Variants in PTK2 observed in about 807,000 individuals in gnomAD.
PTK2 encodes protein tyrosine kinase 2.
Under a neutral mutation model 150.1 loss-of-function variants are expected in PTK2, and 45 were observed. That is an observed-to-expected ratio of 0.30 (90% CI 0.24 to 0.38). The LOEUF (loss-of-function observed/expected upper bound fraction) is 0.38, where lower values mean the gene tolerates loss of function less well. PTK2 is among the 10% of genes least tolerant of loss of function. The probability of loss-of-function intolerance (pLI) is 1.00; values close to 1 mark genes in which losing one functional copy is unlikely to be tolerated. For missense variants in PTK2, 919 were observed against 1,307.3 expected, an observed-to-expected ratio of 0.70 and a Z score of 4.58; for synonymous variants, 432 against 449.2, an observed-to-expected ratio of 0.96 and a Z score of 0.48.
At chr8:140,793,501 A>T in intron 12 of PTK2, 117 bp from the exon 13 acceptor site, 1 of 1,089,654 alleles carries the variant, frequency 9.2e-7, no homozygotes, top group South Asian at 1.7e-5. Context: ...ATGACCCTTT[A>T]AAGAAAGTTG....
At chr8:140,991,835 C>A (rs980797446) in intron 1 of PTK2, among the ~76,000 whole-genome samples, 1 of 152,074 alleles carries the variant, frequency 6.6e-6, no homozygotes, top group Non-Finnish European at 1.5e-5. Flanking sequence ...ATGGTAAATA[C>A]CCGTCTCTAC....
At chr8:140,739,791 A>T (rs942047550) in intron 20 of PTK2, among the ~76,000 whole-genome samples, 4 of 152,080 alleles carry the variant, frequency 2.6e-5, no homozygotes, top group Admixed American at 2.6e-4. Context: ...GTCCCCTCCC[A>T]GCCCTGACCC....
intron 8 of PTK2, among the ~76,000 whole-genome samples, chr8:140,822,592 A>G (rs540675080): frequency 2.0e-5 from 3 of 152,316 alleles, no homozygotes; most frequent in Admixed American, 6.5e-5. Flanking sequence ...TATGAGACCA[A>G]TTCAAACACC....
intron 2 of PTK2, chr8:140,892,749 T>G (rs1276716618): frequency 3.0e-5 from 9 of 295,612 alleles, no homozygotes; most frequent in Non-Finnish European, 5.8e-5. Flanking sequence ...AGTAAAAAGC[T>G]AATACCCTAT....
chr8:140,782,586 A>C, intron 14 of PTK2, among the ~76,000 whole-genome samples: 1 of 151,978 alleles, frequency 6.6e-6, no homozygotes, highest in South Asian at 2.1e-4. Flanking sequence ...TAGATTTGGT[A>C]GGGAAAAAAA....
At chr8:140,788,831 G>A (rs1422201045) in intron 14 of PTK2, among the ~76,000 whole-genome samples, 1 of 152,146 alleles carries the variant, frequency 6.6e-6, no homozygotes, top group Non-Finnish European at 1.5e-5. Flanking sequence ...GGTTACGTAT[G>A]TATATATGTG....
intron 2 of PTK2, among the ~76,000 whole-genome samples, chr8:140,902,949 T>TTTG (rs2100159323): frequency 2.1e-5 from 3 of 144,124 alleles, no homozygotes; most frequent in Non-Finnish European, 4.6e-5. Context: ...TTTTTTTTTT[T>TTTG]TTTTTTTTTT....
At chr8:140,769,280 T>C (rs2100074215) in intron 14 of PTK2, among the ~76,000 whole-genome samples, 1 of 152,180 alleles carries the variant, frequency 6.6e-6, no homozygotes, top group Admixed American at 6.5e-5. Context: ...TTTCAAGTGT[T>C]ACTAATTTTG....
chr8:140,920,830 T>G, intron 2 of PTK2: 1 of 1,521,342 alleles, frequency 6.6e-7, no homozygotes. Context: ...CCCAACACAC[T>G]GGAAATGGAC....
At chr8:140,893,838 T>A (rs1462476844) in intron 2 of PTK2, among the ~76,000 whole-genome samples, 2 of 152,200 alleles carry the variant, frequency 1.3e-5, no homozygotes, top group South Asian at 2.1e-4. Flanking sequence ...ATAATTTTTT[T>A]AAAAAGGTCA....
At chr8:140,943,191 G>A (rs890821563) in intron 1 of PTK2, among the ~76,000 whole-genome samples, 2 of 152,222 alleles carry the variant, frequency 1.3e-5, no homozygotes, top group Non-Finnish European at 2.9e-5. Flanking sequence ...CCACCACCAC[G>A]CTGAAGACAC....
chr8:140,779,563 G>C lies in PTK2; in HGVS notation c.1177+9911C>G, dbSNP rs145036095. On this transcript the variant is annotated intron_variant, in intron 14 of 31. Coordinates refer to ENST00000522684, the Ensembl canonical transcript of PTK2. ...CCAAGGGGTATCAGTGCCCTCCAGA[G>C]TTTTAGTTAGAGGAAGGTGACAAAG... is the stretch of plus-strand genomic sequence containing the variant. Among the ~76,000 whole-genome samples, 1,191 of 152,262 alleles carry C rather than the reference G, an allele frequency of 7.8e-3. 9 individuals are homozygous for C. Among genetic ancestry groups the C allele is most frequent in the Non-Finnish European group, 0.011 (728 of 68,026 alleles).
intron 4 of PTK2, among the ~76,000 whole-genome samples, chr8:140,868,352 T>A (rs1408405292): frequency 6.6e-6 from 1 of 152,206 alleles, no homozygotes; most frequent in African/African-American, 2.4e-5. Flanking sequence ...CCAATTTTTT[T>A]AAAAAAGGGA....
chr8:140,941,650 A>T (rs1041524199), intron 1 of PTK2, among the ~76,000 whole-genome samples: 1 of 152,132 alleles, frequency 6.6e-6, no homozygotes, highest in African/African-American at 2.4e-5. Flanking sequence ...GGGAAAAAAA[A>T]TGCTAAATGG....
intron 14 of PTK2, among the ~76,000 whole-genome samples, chr8:140,765,797 G>A (rs1173477570): frequency 6.6e-6 from 1 of 152,152 alleles, no homozygotes; most frequent in Non-Finnish European, 1.5e-5. Flanking sequence ...TTTGGGGACG[G>A]AAGGAAGCTG....
intron 1 of PTK2, among the ~76,000 whole-genome samples, chr8:140,956,116 T>A (rs1326937747): frequency 6.6e-6 from 1 of 152,248 alleles, no homozygotes; most frequent in African/African-American, 2.4e-5. Flanking sequence ...AGGAACCTGA[T>A]ACGTCTAAGA....
intron 5 of PTK2, among the ~76,000 whole-genome samples, chr8:140,851,947 G>A (rs1184602328): frequency 1.3e-5 from 2 of 151,946 alleles, no homozygotes; most frequent in African/African-American, 4.8e-5. Context: ...GTGTGCCCGT[G>A]TGTGTACTTG....
intron 14 of PTK2, among the ~76,000 whole-genome samples, chr8:140,788,459 G>A (rs754171314): frequency 4.6e-5 from 7 of 152,088 alleles, no homozygotes; most frequent in South Asian, 4.1e-4. Context: ...CGAGGCAGGC[G>A]GATCATCTGA....
At chr8:140,933,457 A>T (rs2100172601) in intron 1 of PTK2, among the ~76,000 whole-genome samples, 1 of 152,246 alleles carries the variant, frequency 6.6e-6, no homozygotes, top group South Asian at 2.1e-4. Flanking sequence ...ATTCACAGAA[A>T]ACTGCTGCCA....
Sources: allele counts gnomAD v4.1 joint callset (sites outside exome capture counted in the v4.1 genomes callset), GRCh38; gene constraint gnomAD v4.1.1; transcripts MANE v1.5; gene names NCBI Gene and HGNC (gene_info 2026-07-23, HGNC 2026-07-21).